The following INO80 variants were observed in gnomAD, a reference collection of about 807,000 sequenced individuals.
The protein encoded by INO80 is chromatin-remodeling ATPase INO80.
In INO80, 20 loss-of-function variants were observed where a neutral mutation model predicts 203.4. That is an observed-to-expected ratio of 0.10 (90% confidence interval 0.07 to 0.14). The LOEUF is 0.14. Among genes scored for constraint, INO80 ranks in the 10% least tolerant of loss-of-function variants. The probability of loss-of-function intolerance (pLI) is 1.00; values close to 1 mark genes in which losing one functional copy is unlikely to be tolerated. For synonymous variants in INO80, 726 were observed against 685.2 expected, an observed-to-expected ratio of 1.06 and a Z score of -0.93; for missense variants, 1,419 against 1,914.4, an observed-to-expected ratio of 0.74 and a Z score of 4.83.
chr15:40,979,140 T>A lies in INO80; in HGVS notation c.*1083A>T, dbSNP rs946023588. The A allele has an allele frequency of 6.6e-6, 1 of 152,576 alleles. No homozygotes were observed. Among genetic ancestry groups the A allele is most frequent in the Non-Finnish European group, 1.5e-5 (1 of 68,024 alleles). The allele number at this position is 152,576 out of a possible 1,614,324, so 9.5% of individuals were successfully genotyped here. On this transcript the variant is annotated 3_prime_UTR_variant, in exon 36 of 36. Transcript: ENST00000648947. ...TCCAAAAAAGTTTTAAAAATCAATC[T>A]ATCGAAACTCAATTCCGCGATTTTC...
At chr15:41,060,356 AG>A in intron 14 of INO80, among the ~76,000 whole-genome samples, 1 of 152,282 alleles carries the variant, frequency 6.6e-6, no homozygotes, top group African/African-American at 2.4e-5. Flanking sequence ...TGGGAGGTCG[AG>A]GCAGGCGGAT....
intron 27 of INO80, among the ~76,000 whole-genome samples, chr15:41,015,220 T>C (rs1481046084): frequency 6.6e-6 from 1 of 152,192 alleles, no homozygotes; most frequent in Non-Finnish European, 1.5e-5. Flanking sequence ...ACTAACTTAG[T>C]AGCTGTCAAG....
intron 32 of INO80, among the ~76,000 whole-genome samples, chr15:40,984,916 G>C (rs938766485): frequency 1.3e-5 from 2 of 152,182 alleles, no homozygotes; most frequent in African/African-American, 4.8e-5. Flanking sequence ...CAGACATTTA[G>C]AAATAAACCG....
chr15:40,995,559 G>C (rs2043870636), intron 29 of INO80, among the ~76,000 whole-genome samples: 1 of 152,146 alleles, frequency 6.6e-6, no homozygotes, highest in Admixed American at 6.5e-5. Flanking sequence ...CAAAGGAGTG[G>C]CATGATTAAT....
At chr15:41,086,678 T>G (rs1349392705) in intron 6 of INO80, among the ~76,000 whole-genome samples, 3 of 151,942 alleles carry the variant, frequency 2.0e-5, no homozygotes, top group African/African-American at 7.2e-5. Flanking sequence ...AATTAATACT[T>G]TCAGGGGAAT....
chr15:41,073,765 TAA>T (rs1330810863), intron 10 of INO80, among the ~76,000 whole-genome samples: 2 of 152,156 alleles, frequency 1.3e-5, no homozygotes, highest in African/African-American at 4.8e-5. Context: ...TTCTACCAAA[TAA>T]TACCAAGCTA....
chr15:41,005,324 C>A (rs1204453676), intron 28 of INO80: 3 of 282,962 alleles, frequency 1.1e-5, no homozygotes, highest in Non-Finnish European at 2.0e-5. Context: ...GAAATGATTT[C>A]TTTTATTATC....
chr15:40,981,551 T>C (rs1379288277), intron 35 of INO80, among the ~76,000 whole-genome samples: 1 of 152,168 alleles, frequency 6.6e-6, no homozygotes, highest in East Asian at 1.9e-4. Context: ...AAAAGGCAAG[T>C]AAACTAACAA....
chr15:41,090,119 T>C (rs986123650), intron 5 of INO80, among the ~76,000 whole-genome samples: 12 of 152,226 alleles, frequency 7.9e-5, no homozygotes, highest in African/African-American at 2.9e-4. Flanking sequence ...AGATAAGGTA[T>C]AAATACAACG....
intron 25 of INO80, among the ~76,000 whole-genome samples, chr15:41,025,541 C>G (rs149472336): frequency 6.6e-6 from 1 of 152,012 alleles, no homozygotes; most frequent in African/African-American, 2.4e-5. Flanking sequence ...ATGGTGAAAC[C>G]CTGTCTCTAC....
intron 1 of INO80, among the ~76,000 whole-genome samples, chr15:41,107,419 T>C (rs568458528): frequency 6.6e-6 from 1 of 152,260 alleles, no homozygotes; most frequent in South Asian, 2.1e-4. Context: ...GAGAATTGCT[T>C]GAACCCAGGA....
chr15:41,004,847 T>C (rs2044014569), intron 28 of INO80: 1 of 152,154 alleles, frequency 6.6e-6, no homozygotes, highest in Admixed American at 6.6e-5. Context: ...CTTTTTCTTA[T>C]ACAAAATGAA....
chr15:41,044,873 G>C (rs1453593289), intron 24 of INO80, 31 bp downstream of exon 24: 7 of 1,563,300 alleles, frequency 4.5e-6, no homozygotes, highest in Non-Finnish European at 4.3e-6. Flanking sequence ...AAGATACTAA[G>C]TAGGTAATTT....
intron 7 of INO80, 57 bp from the exon 8 acceptor site, chr15:41,081,130 G>T: frequency 9.1e-7 from 1 of 1,104,798 alleles, no homozygotes; most frequent in Non-Finnish European, 1.4e-6. Context: ...CTAAGACTAT[G>T]TAGAATGAAC....
intron 1 of INO80, among the ~76,000 whole-genome samples, chr15:41,099,778 C>CAA (rs77343650): frequency 3.8e-4 from 51 of 134,710 alleles, no homozygotes; most frequent in African/African-American, 9.7e-4. Flanking sequence ...TGAGACTATC[C>CAA]AAAAAAAAAA....
chr15:40,983,989 A>G (rs1303575144), intron 33 of INO80, 68 bp from the exon 34 acceptor site: 5 of 1,549,702 alleles, frequency 3.2e-6, no homozygotes, highest in Non-Finnish European at 4.4e-6. Flanking sequence ...GCACCCAGCT[A>G]GGAACATGCT....
At position 40,996,526 on chromosome 15, in the gene INO80, A is replaced by C. The variant is rs547420655; in HGVS notation, c.3570+1003T>G. On this transcript the variant is annotated intron_variant, in intron 29 of 35. Transcript: ENST00000648947. ...TTTTTGGTAGAGACGTGGTTTCACC[A>C]TGTTGGCCAGGATGATCTTGATCTT... 2.0e-5 allele frequency among the ~76,000 whole-genome samples: 3 copies of C among 151,184 alleles called. No homozygotes were observed. In the South Asian group the frequency reaches 6.3e-4, roughly 32 times the overall value.
chr15:41,085,525 T>A lies in INO80; in HGVS notation c.717A>T (p.Glu239Asp). 6.2e-7 allele frequency: 1 copy of A among 1,614,224 alleles called. No homozygotes were observed. The highest frequency in any genetic ancestry group is 1.1e-5 in the South Asian group (1 of 91,090). Reference sequence around the variant, plus strand: ...TCTGGTGGTGATGGCGACGAGGGGATTCTTCAGAGGAAAGTTCTTCATCTC... The same window carrying A: ...TCTGGTGGTGATGGCGACGAGGGGAATCTTCAGAGGAAAGTTCTTCATCTC... ...RRRDEELSSE[E>D]SPRRHHHQTK... Residue 239 changes from glutamate (E) to aspartate (D), a missense_variant, in exon 7 of 36, where the codon GAA becomes GAT. Glu to Asp is a conservative substitution (Grantham distance 45, BLOSUM62 2). Around this residue, in one of 9 missense-constraint regions of INO80, gnomAD observed 323 missense variants for 325.4 expected, o/e 0.99. Coordinates refer to ENST00000648947, the MANE Select transcript of INO80 (RefSeq NM_017553.3).
chr15:41,077,452 A>G (rs1399623099), intron 9 of INO80, among the ~76,000 whole-genome samples: 1 of 152,064 alleles, frequency 6.6e-6, no homozygotes, highest in Admixed American at 6.6e-5. Flanking sequence ...GCTTTATAGC[A>G]CTTGAGCCAG....
Sources: gnomAD v4.1 joint callset for allele counts (sites outside exome capture counted in the v4.1 genomes callset) on GRCh38, gnomAD v4.1.1 for gene constraint, gnomAD v4.1.1 regional missense constraint, MANE v1.5 for transcripts, NCBI Gene and HGNC (gene_info 2026-07-23, HGNC 2026-07-21) for gene names.